Variants in MECOM observed in about 807,000 individuals in gnomAD.
The protein encoded by MECOM is histone-lysine N-methyltransferase MECOM.
A neutral mutation model predicts 116.3 loss-of-function variants in MECOM; 13 were observed. That is an observed-to-expected ratio of 0.11 (90% CI 0.07 to 0.18). The LOEUF (loss-of-function observed/expected upper bound fraction) is 0.18. Ranked by LOEUF, MECOM falls within the 10% of genes least tolerant of loss-of-function variation. The pLI, the probability that MECOM is intolerant of heterozygous loss-of-function variation, is 1.00. For synonymous variants in MECOM, 528 were observed against 535.2 expected (o/e 0.99, Z 0.19); for missense variants, 1,299 against 1,509.0 (o/e 0.86, Z 2.31).
At chr3:169,486,101 A>G (rs1276708887) in intron 1 of MECOM, among the ~76,000 whole-genome samples, 1 of 145,782 alleles carries the variant, frequency 6.9e-6, no homozygotes, top group Non-Finnish European at 1.5e-5. Context: ...TAGGTGTGGA[A>G]ATATGAAGAG....
intron 2 of MECOM, among the ~76,000 whole-genome samples, chr3:169,208,511 A>C (rs1461727913): frequency 6.6e-6 from 1 of 152,038 alleles, no homozygotes; most frequent in African/African-American, 2.4e-5. Flanking sequence ...AAATAATGTC[A>C]ATCTAATAGC....
chr3:169,433,034 T>C (rs1299948227), intron 1 of MECOM, among the ~76,000 whole-genome samples: 1 of 152,238 alleles, frequency 6.6e-6, no homozygotes. Context: ...TGAAGCTGTG[T>C]AAACTCAACA....
At chr3:169,213,730 A>G (rs1295600964) in intron 2 of MECOM, among the ~76,000 whole-genome samples, 2 of 152,160 alleles carry the variant, frequency 1.3e-5, no homozygotes, top group Non-Finnish European at 2.9e-5. Context: ...GACTTTATGA[A>G]TATTTTACCA....
chr3:169,265,632 G>C lies in MECOM; in HGVS notation c.375+115555C>G, dbSNP rs79236981. ...AGAGCTGGGAACCCATAGGCCACTGGCCAGCCTTGAGCACAATGGAACACT... is the reference window on the plus strand; with the variant it reads ...AGAGCTGGGAACCCATAGGCCACTGCCCAGCCTTGAGCACAATGGAACACT... On this transcript the variant is annotated intron_variant, in intron 2 of 16. Coordinates refer to ENST00000651503, the MANE Select transcript of MECOM (RefSeq NM_004991.4). Among the ~76,000 whole-genome samples, 888 of 152,258 alleles carry C rather than the reference G, an allele frequency of 5.8e-3. 12 individuals are homozygous for C. The highest frequency in any genetic ancestry group is 0.02 in the African/African-American group (824 of 41,538).
At position 169,157,509 on chromosome 3, in the gene MECOM, T is replaced by C. The variant is rs544084164; in HGVS notation, c.376-13677A>G. On this transcript the variant is annotated intron_variant, in intron 2 of 16. Transcript: ENST00000651503. ...AGTGAGTGTCACATCTTATGATACA[T>C]ATCAAATGGTAAAATGTCAAAATAT... Among the ~76,000 whole-genome samples, 110 of 152,332 alleles carry C rather than the reference T, an allele frequency of 7.2e-4. 1 individual carries two copies. The highest frequency in any genetic ancestry group is 2.5e-3 in the African/African-American group (103 of 41,582).
intron 2 of MECOM, among the ~76,000 whole-genome samples, chr3:169,238,368 C>T (rs1346047640): frequency 6.6e-6 from 1 of 151,988 alleles, no homozygotes; most frequent in African/African-American, 2.4e-5. Context: ...AACTCATATA[C>T]TAGGAAACTG....
At chr3:169,575,564 G>A (rs748368161) in intron 1 of MECOM, among the ~76,000 whole-genome samples, 3 of 152,156 alleles carry the variant, frequency 2.0e-5, no homozygotes, top group East Asian at 1.9e-4. Flanking sequence ...TGAGCCGTCC[G>A]GGGATGCCGC....
At chr3:169,097,894 G>C (rs934171812) in intron 12 of MECOM, among the ~76,000 whole-genome samples, 1 of 144,404 alleles carries the variant, frequency 6.9e-6, no homozygotes, top group Admixed American at 7.3e-5. Context: ...TCTTTCTGAA[G>C]AGATAATTTT....
rs1225444101 is a variant in MECOM at position 169,102,089 on chromosome 3, C to G, written c.2742G>C (p.Leu914=). 2.5e-6 allele frequency: 4 copies of G among 1,613,258 alleles called. No homozygotes were observed. The African/African-American group carries it at 5.3e-5, about 22-fold the overall frequency. ...AGGTATAGCGCTCCTTTCCCTTCCG[C>G]AGAAGGTTCTCTGGCAGGGCATTGG... ...APPNALPENL[L]RKGKERYTCR... Residue 914 remains leucine, a synonymous_variant, in exon 11 of 17, where the codon CTG becomes CTC. Coordinates refer to ENST00000651503, the MANE Select transcript of MECOM (RefSeq NM_004991.4).
At chr3:169,535,892 G>A (rs1188170403) in intron 1 of MECOM, among the ~76,000 whole-genome samples, 2 of 152,164 alleles carry the variant, frequency 1.3e-5, no homozygotes, top group African/African-American at 4.8e-5. Flanking sequence ...GTGTCTAATA[G>A]GGTTGTTGTG....
chr3:169,556,303 C>T (rs1283019387), intron 1 of MECOM, among the ~76,000 whole-genome samples: 1 of 152,142 alleles, frequency 6.6e-6, no homozygotes, highest in African/African-American at 2.4e-5. Context: ...CTCGGGGCTC[C>T]CACCAGTGGA....
chr3:169,336,871 T>C (rs1300153534), intron 2 of MECOM, among the ~76,000 whole-genome samples: 1 of 152,144 alleles, frequency 6.6e-6, no homozygotes, highest in Non-Finnish European at 1.5e-5. Context: ...AAATCAAGGA[T>C]CCATAAAAGG....
chr3:169,555,023 T>G (rs926708761), intron 1 of MECOM, among the ~76,000 whole-genome samples: 1 of 152,262 alleles, frequency 6.6e-6, no homozygotes, highest in African/African-American at 2.4e-5. Context: ...GGCCAGATCT[T>G]TAACTTCTAA....
chr3:169,522,178 T>C (rs1757424755), intron 1 of MECOM, among the ~76,000 whole-genome samples: 1 of 152,288 alleles, frequency 6.6e-6, no homozygotes, highest in South Asian at 2.1e-4. Context: ...TACAATTACA[T>C]CCTTACTCAA....
intron 2 of MECOM, among the ~76,000 whole-genome samples, chr3:169,156,979 C>A (rs924757252): frequency 6.6e-6 from 1 of 152,100 alleles, no homozygotes; most frequent in Non-Finnish European, 1.5e-5. Context: ...AGATGGCATA[C>A]AAAATTACAG....
intron 12 of MECOM, among the ~76,000 whole-genome samples, chr3:169,099,020 G>A (rs951213946): frequency 2.0e-5 from 3 of 150,366 alleles, no homozygotes; most frequent in African/African-American, 4.9e-5. Flanking sequence ...ACATTCAATT[G>A]ATCTTCCCTG....
At chr3:169,602,264 T>C (rs536198041) in intron 1 of MECOM, among the ~76,000 whole-genome samples, 38 of 152,356 alleles carry the variant, frequency 2.5e-4, no homozygotes, top group African/African-American at 8.9e-4. Flanking sequence ...CTTAGAGAGA[T>C]GTTCTCTATT....
At chr3:169,517,496 T>C (rs1215945216) in intron 1 of MECOM, among the ~76,000 whole-genome samples, 1 of 152,184 alleles carries the variant, frequency 6.6e-6, no homozygotes, top group East Asian at 1.9e-4. Context: ...GCTTGTCCTA[T>C]AAGAGGGAGC....
At chr3:169,163,007 T>G (rs2149352451) in intron 2 of MECOM, among the ~76,000 whole-genome samples, 1 of 152,234 alleles carries the variant, frequency 6.6e-6, no homozygotes, top group Middle Eastern at 3.4e-3. Flanking sequence ...TATATCTACA[T>G]TATATTCAAC....
Sources: gnomAD v4.1 joint callset for allele counts (sites outside exome capture counted in the v4.1 genomes callset) on GRCh38, gnomAD v4.1.1 for gene constraint, MANE v1.5 for transcripts, NCBI Gene and HGNC (gene_info 2026-07-23, HGNC 2026-07-21) for gene names.